BFSP2: variants seen among roughly 807,000 people sequenced by gnomAD.
BFSP2 encodes phakinin.
BFSP2 carries 38 observed loss-of-function variants against 44.9 expected under a neutral mutation model. The ratio of observed to expected loss-of-function variants is 0.85; its 90% CI spans 0.65 to 1.11. BFSP2 has a LOEUF of 1.11. Among genes scored for constraint, BFSP2 ranks in the 50% least tolerant of loss-of-function variants. BFSP2 has a pLI of 0.00. For synonymous variants in BFSP2, 197 were observed against 209.9 expected (o/e 0.94, Z 0.53); for missense variants, 525 against 533.0 (o/e 0.99, Z 0.15).
intron 1 of BFSP2, among the ~76,000 whole-genome samples, chr3:133,436,352 G>A (rs769005230): frequency 2.1e-5 from 3 of 144,800 alleles, no homozygotes; most frequent in Non-Finnish European, 4.5e-5. Context: ...AAAAATCTAT[G>A]TATTGTTTTT....
chr3:133,455,113 C>A (rs555623981), intron 4 of BFSP2, among the ~76,000 whole-genome samples: 1 of 152,252 alleles, frequency 6.6e-6, no homozygotes, highest in Non-Finnish European at 1.5e-5. Context: ...GCTGTTTTAC[C>A]GTTAACTATT....
intron 1 of BFSP2, among the ~76,000 whole-genome samples, chr3:133,406,251 GC>G (rs2073403891): frequency 6.6e-6 from 1 of 152,166 alleles, no homozygotes; most frequent in South Asian, 2.1e-4. Flanking sequence ...GAGCCACCGT[GC>G]CCAGCCAGTC....
At chr3:133,453,759 G>A (rs1020982165) in intron 4 of BFSP2, among the ~76,000 whole-genome samples, 19 of 152,172 alleles carry the variant, frequency 1.2e-4, no homozygotes, top group African/African-American at 2.2e-4. Flanking sequence ...ACTAAACTGC[G>A]AAAGCCTAAG....
chr3:133,417,430 T>G (rs1235468758), intron 1 of BFSP2, among the ~76,000 whole-genome samples: 2 of 69,870 alleles, frequency 2.9e-5, no homozygotes, highest in Non-Finnish European at 5.3e-5. Context: ...CCCTCTCCCT[T>G]CTACTCACCC....
rs1388331888 is a variant in BFSP2, at chr3:133,411,724, C to T, written c.489+11152C>T. On this transcript the variant is annotated intron_variant, in intron 1 of 6. Coordinates refer to ENST00000302334, the MANE Select transcript of BFSP2 (RefSeq NM_003571.4). The stretch of plus-strand genomic sequence containing the variant: ...TTTTTAATAAGTGATATTTAGACAA[C>T]TAGACAGTCATAAGGAAAATAATAA... Among the ~76,000 whole-genome samples, 6 of 144,616 alleles carry T rather than the reference C, an allele frequency of 4.1e-5. No homozygotes were observed. The East Asian group carries it at 1.0e-3, about 24-fold the overall frequency. 94.9% of individuals were successfully genotyped at this position (144,616 alleles called of 152,430 possible).
At chr3:133,403,270 G>A (rs2073376830) in intron 1 of BFSP2, among the ~76,000 whole-genome samples, 1 of 152,062 alleles carries the variant, frequency 6.6e-6, no homozygotes, top group Non-Finnish European at 1.5e-5. Flanking sequence ...GGGGCTTCAT[G>A]CCCACCTTTC....
chr3:133,454,430 C>T (rs961269358), intron 4 of BFSP2, among the ~76,000 whole-genome samples: 3 of 152,200 alleles, frequency 2.0e-5, no homozygotes, highest in Non-Finnish European at 4.4e-5. Context: ...CAAACACCAA[C>T]TGAGTGTCCT....
intron 4 of BFSP2, among the ~76,000 whole-genome samples, chr3:133,454,099 A>G (rs2073991295): frequency 6.6e-6 from 1 of 152,160 alleles, no homozygotes; most frequent in Non-Finnish European, 1.5e-5. Flanking sequence ...ATGCTTCAGG[A>G]ACCTCAGACA....
chr3:133,447,528 C>A, intron 2 of BFSP2, 129 bp downstream of exon 2: 1 of 953,288 alleles, frequency 1.0e-6, no homozygotes, highest in Non-Finnish European at 1.6e-6. Flanking sequence ...ATAACAGAGC[C>A]ATGATTATCC....
chr3:133,463,250 G>C (rs1051426056), intron 4 of BFSP2, among the ~76,000 whole-genome samples: 2 of 152,030 alleles, frequency 1.3e-5, no homozygotes, highest in African/African-American at 2.4e-5. Context: ...CAGAGGTTGC[G>C]GTGAGCTGAG....
At chr3:133,438,613 G>A (rs1432598686) in intron 1 of BFSP2, among the ~76,000 whole-genome samples, 1 of 152,012 alleles carries the variant, frequency 6.6e-6, no homozygotes, top group Admixed American at 6.6e-5. Flanking sequence ...TGTGGGTCAG[G>A]GAAATGTTGG....
chr3:133,414,810 C>A (rs529395038), intron 1 of BFSP2, among the ~76,000 whole-genome samples: 7 of 91,192 alleles, frequency 7.7e-5, no homozygotes, highest in African/African-American at 3.7e-4. Context: ...TACCCCTCTA[C>A]TCACTCCTAC....
intron 4 of BFSP2, among the ~76,000 whole-genome samples, chr3:133,454,954 C>A (rs1308292870): frequency 6.6e-6 from 1 of 152,140 alleles, no homozygotes; most frequent in Non-Finnish European, 1.5e-5. Flanking sequence ...CCTAGGCCTA[C>A]ACAGGGTCAG....
intron 5 of BFSP2, among the ~76,000 whole-genome samples, chr3:133,469,045 G>C (rs1324295813): frequency 1.3e-5 from 2 of 152,190 alleles, no homozygotes; most frequent in Admixed American, 1.3e-4. Flanking sequence ...GGCATCACCA[G>C]CCACCTGGTC....
chr3:133,400,659 C>A lies in BFSP2; in HGVS notation c.489+87C>A. ...GGGTAGGGTTGTGAGTAGGCTGAGG[C>A]CAGAGAAACTGACCATAATCCCCTA... is the stretch of plus-strand genomic sequence containing the variant. On this transcript the variant is annotated intron_variant, in intron 1 of 6. Transcript: ENST00000302334. The surrounding 1 kb of genome is among the most constrained non-coding windows in gnomAD (Gnocchi z 4.0). The A allele has an allele frequency of 6.5e-7, 1 of 1,527,510 alleles. No individual in the cohort carries two copies. Among genetic ancestry groups the A allele is most frequent in the Non-Finnish European group, 8.8e-7 (1 of 1,130,810 alleles). 94.6% of individuals were successfully genotyped at this position (1,527,510 alleles called of 1,614,324 possible).
intron 1 of BFSP2, among the ~76,000 whole-genome samples, chr3:133,408,023 T>G (rs910745258): frequency 6.6e-6 from 1 of 152,102 alleles, no homozygotes; most frequent in South Asian, 2.1e-4. Flanking sequence ...TTGATAAATT[T>G]GATTAAGAAA....
At chr3:133,414,714 C>CCTCTCCCCT (rs1358043502) in intron 1 of BFSP2, among the ~76,000 whole-genome samples, 17 of 139,940 alleles carry the variant, frequency 1.2e-4, no homozygotes, top group Non-Finnish European at 1.4e-4. Context: ...TCACCACTGC[C>CCTCTCCCCT]CTATCCCCTC....
intron 1 of BFSP2, among the ~76,000 whole-genome samples, chr3:133,436,527 A>G (rs1053939593): frequency 3.3e-5 from 5 of 152,078 alleles, no homozygotes. Flanking sequence ...ATAATACATA[A>G]CAAGTGCTTA....
intron 1 of BFSP2, among the ~76,000 whole-genome samples, chr3:133,413,338 C>CT (rs777261607): frequency 3.3e-5 from 5 of 152,000 alleles, no homozygotes; most frequent in Non-Finnish European, 7.4e-5. Flanking sequence ...TCCACAGCTC[C>CT]TCTCAAAACA....
Sources: allele counts gnomAD v4.1 joint callset (sites outside exome capture counted in the v4.1 genomes callset), GRCh38; gene constraint gnomAD v4.1.1; non-coding constraint Gnocchi (gnomAD v3.1); transcripts MANE v1.5; gene names NCBI Gene and HGNC (gene_info 2026-07-23, HGNC 2026-07-21).